The following CCDC30 variants were observed in gnomAD, a reference collection of about 807,000 sequenced individuals.
CCDC30 encodes the protein coiled-coil domain containing 30.
Under a neutral mutation model 100.2 loss-of-function variants are expected in CCDC30, and 70 were observed. That is an observed-to-expected ratio of 0.70 (90% CI 0.58 to 0.85). CCDC30 has a LOEUF of 0.85. CCDC30 is among the 40% of genes least tolerant of loss of function. The probability of loss-of-function intolerance (pLI) is 0.00; values close to 1 mark genes in which losing one functional copy is unlikely to be tolerated. For synonymous variants in CCDC30, 233 were observed against 269.5 expected (o/e 0.86, Z 1.33); for missense variants, 652 against 771.2 (o/e 0.85, Z 1.83).
intron 6 of CCDC30, among the ~76,000 whole-genome samples, chr1:42,555,510 C>T (rs1645350915): frequency 6.6e-6 from 1 of 152,172 alleles, no homozygotes; most frequent in South Asian, 2.1e-4. Flanking sequence ...AGCCCTAGTG[C>T]CTGCCAAAGT....
chr1:42,600,168 CA>C (rs1374688749), intron 10 of CCDC30, among the ~76,000 whole-genome samples: 1 of 152,004 alleles, frequency 6.6e-6, no homozygotes, highest in African/African-American at 2.4e-5. Flanking sequence ...GACAGAGAGT[CA>C]AATCATATCA....
chr1:42,610,361 T>C (rs1311903113), intron 10 of CCDC30, among the ~76,000 whole-genome samples: 1 of 152,208 alleles, frequency 6.6e-6, no homozygotes, highest in East Asian at 1.9e-4. Flanking sequence ...TCAGAGTTAA[T>C]TAACTGAAGA....
At chr1:42,624,130 A>G (rs77717165) in intron 11 of CCDC30, among the ~76,000 whole-genome samples, 1,917 of 152,208 alleles carry the variant, frequency 0.013, 43 homozygotes, top group African/African-American at 0.043. Context: ...TACTTCTTTA[A>G]TGGAGTCTTT....
intron 3 of CCDC30, among the ~76,000 whole-genome samples, chr1:42,484,024 A>T (rs938521464): frequency 3.3e-5 from 5 of 152,072 alleles, no homozygotes; most frequent in Non-Finnish European, 5.9e-5. Context: ...TCCGTGACTG[A>T]TTCTTTTACA....
intron 11 of CCDC30, among the ~76,000 whole-genome samples, chr1:42,626,993 A>G (rs903045681): frequency 1.3e-5 from 2 of 152,242 alleles, no homozygotes; most frequent in East Asian, 1.9e-4. Context: ...CGACTTTGGA[A>G]GTGGATAACA....
At chr1:42,458,453 T>C (rs1643303025), upstream of CCDC30, among the ~76,000 whole-genome samples, 1 of 152,202 alleles carries the variant, frequency 6.6e-6, no homozygotes, top group South Asian at 2.1e-4. Context: ...CTTTGTAGAA[T>C]AGTTTATTGA....
intron 7 of CCDC30, among the ~76,000 whole-genome samples, chr1:42,569,367 T>A (rs1189897346): frequency 1.3e-5 from 2 of 152,008 alleles, no homozygotes; most frequent in Non-Finnish European, 2.9e-5. Flanking sequence ...CCAGCAAACA[T>A]ATGAAAAAAA....
At chr1:42,584,824 C>G (rs765994549) in intron 9 of CCDC30, among the ~76,000 whole-genome samples, 2 of 152,130 alleles carry the variant, frequency 1.3e-5, no homozygotes, top group Non-Finnish European at 2.9e-5. Context: ...TGAACCTGTT[C>G]ATGAAGGTAT....
chr1:42,483,469 T>C (rs539478946), intron 3 of CCDC30, among the ~76,000 whole-genome samples: 1 of 152,322 alleles, frequency 6.6e-6, no homozygotes, highest in African/African-American at 2.4e-5. Flanking sequence ...AATTTAAGCT[T>C]TCCTCAGTTG....
intron 11 of CCDC30, among the ~76,000 whole-genome samples, chr1:42,621,730 C>T (rs1646838408): frequency 6.6e-6 from 1 of 152,014 alleles, no homozygotes; most frequent in African/African-American, 2.4e-5. Flanking sequence ...CCAGGATGGT[C>T]GCGATCTCCT....
the CCDC30 span, chr1:42,457,188 G>A: frequency 1.2e-5 from 20 of 1,607,406 alleles, no homozygotes; most frequent in South Asian, 2.2e-4. Flanking sequence ...GAGTTGAGAA[G>A]GAGCTGATCC....
chr1:42,654,256 G>A (rs1240294284), downstream of CCDC30: 1 of 487,294 alleles, frequency 2.1e-6, no homozygotes, highest in African/African-American at 2.0e-5. Flanking sequence ...TTAGTTCAAT[G>A]ATTTATTTAG....
intron 6 of CCDC30, among the ~76,000 whole-genome samples, chr1:42,528,753 G>A (rs894253835): frequency 1.3e-5 from 2 of 152,178 alleles, no homozygotes; most frequent in African/African-American, 2.4e-5. Flanking sequence ...GGTATCAGTG[G>A]TGTACCTCCA....
chr1:42,561,964 GA>G (rs1645497371), intron 6 of CCDC30, among the ~76,000 whole-genome samples: 1 of 152,064 alleles, frequency 6.6e-6, no homozygotes, highest in Non-Finnish European at 1.5e-5. Context: ...CAAACAAATG[GA>G]AAAATGTTCC....
intron 3 of CCDC30, among the ~76,000 whole-genome samples, chr1:42,484,136 A>T (rs1237269265): frequency 6.6e-6 from 1 of 152,158 alleles, no homozygotes; most frequent in Non-Finnish European, 1.5e-5. Context: ...ATAATAATAA[A>T]AAAAAGAATA....
At chr1:42,597,046 A>G (rs1351514146) in intron 10 of CCDC30, among the ~76,000 whole-genome samples, 1 of 129,820 alleles carries the variant, frequency 7.7e-6, no homozygotes, top group East Asian at 2.0e-4. Context: ...TAGACTGCAT[A>G]CAACTGAGGA....
chr1:42,584,831 G>A (rs1459609296), intron 9 of CCDC30, among the ~76,000 whole-genome samples: 1 of 152,110 alleles, frequency 6.6e-6, no homozygotes, highest in Non-Finnish European at 1.5e-5. Context: ...GTTCATGAAG[G>A]TATTGGTCTG....
chr1:42,456,410 T>G, the CCDC30 span: 30 of 835,798 alleles, frequency 3.6e-5, no homozygotes, highest in Non-Finnish European at 5.2e-5. Context: ...GCAGAACAAC[T>G]ACGCATTTCC....
chr1:42,499,327 T>C (rs1644273271), intron 6 of CCDC30, among the ~76,000 whole-genome samples: 1 of 152,094 alleles, frequency 6.6e-6, no homozygotes, highest in Non-Finnish European at 1.5e-5. Context: ...ATCTAGTAAA[T>C]AGTGGTTTTA....
Sources: allele counts gnomAD v4.1 joint callset (sites outside exome capture counted in the v4.1 genomes callset), GRCh38; gene constraint gnomAD v4.1.1; transcripts MANE v1.5; gene names NCBI Gene and HGNC (gene_info 2026-07-23, HGNC 2026-07-21).